The following PAFAH2 variants were observed in gnomAD, a reference collection of about 807,000 sequenced individuals.
The protein encoded by PAFAH2 is platelet activating factor acetylhydrolase 2.
In PAFAH2, 42 loss-of-function variants were observed where a neutral mutation model predicts 49.0. The observed-to-expected ratio is 0.86, with a 90% CI of 0.67 to 1.11. PAFAH2 has a LOEUF of 1.11. Ranked by LOEUF, PAFAH2 falls within the 50% of genes least tolerant of loss-of-function variation. PAFAH2 has a pLI of 0.00. For missense variants in PAFAH2, 503 were observed against 501.8 expected, an observed-to-expected ratio of 1.00 and a Z score of -0.02; for synonymous variants, 184 against 181.3, an observed-to-expected ratio of 1.01 and a Z score of -0.12.
intron 1 of PAFAH2, 47 bp from the exon 2 acceptor site, chr1:25,990,910 G>A (rs1411814754): frequency 4.2e-6 from 4 of 951,872 alleles, no homozygotes; most frequent in East Asian, 2.6e-5. Context: ...GTTTCCTCTC[G>A]GCTTCCTGTT....
At chr1:25,982,594 C>G in intron 6 of PAFAH2, 117 bp from the exon 7 acceptor site, 1 of 733,818 alleles carries the variant, frequency 1.4e-6, no homozygotes, top group Non-Finnish European at 2.3e-6. Flanking sequence ...CACGCCTCAG[C>G]AAGCACCTTG....
chr1:25,973,759 ATGCAGT>A (rs2049544397), intron 9 of PAFAH2, among the ~76,000 whole-genome samples: 1 of 152,208 alleles, frequency 6.6e-6, no homozygotes, highest in East Asian at 1.9e-4. Flanking sequence ...GGTCCATGGT[ATGCAGT>A]CACTTGTCAT....
In PAFAH2 at chr1:25,972,318, G is replaced by A. The variant is rs963587814; in HGVS notation, c.1084+240C>T. On this transcript the variant is annotated intron_variant, in intron 10 of 10. Transcript: ENST00000374282. ...TCACTATGTTGCTCAGACTGGTCTC[G>A]AACTCCTGGCCCCAAGCCATCCTCC... is the stretch of plus-strand genomic sequence containing the variant. 5.3e-5 allele frequency among the ~76,000 whole-genome samples: 8 copies of A among 150,578 alleles called. No homozygotes were observed. In the East Asian group the frequency reaches 9.8e-4, roughly 18 times the overall value.
intron 7 of PAFAH2, among the ~76,000 whole-genome samples, chr1:25,979,509 T>C (rs1557521714): frequency 6.6e-6 from 1 of 151,962 alleles, no homozygotes; most frequent in South Asian, 2.1e-4. Context: ...TTTTTTGAGA[T>C]GGAGTTTTGC....
Position 25,981,786 on chromosome 1 carries a change from C to T in PAFAH2, c.666+578G>A, listed in dbSNP as rs1288599748. 3.9e-5 allele frequency among the ~76,000 whole-genome samples: 6 copies of T among 152,120 alleles called. No individual in the cohort carries two copies. The East Asian group carries it at 9.7e-4, about 25-fold the overall frequency. ...CTGTAATCCCAGCACTTAGGGAGGC[C>T]GAGGCGGGCGGATCACTTGAGATCA... On this transcript the variant is annotated intron_variant, in intron 7 of 10. Transcript: ENST00000374282.
intron 8 of PAFAH2, among the ~76,000 whole-genome samples, chr1:25,976,333 T>TG (rs2049588850): frequency 6.6e-6 from 1 of 151,958 alleles, no homozygotes; most frequent in Admixed American, 6.6e-5. Context: ...TTTGTAGAGA[T>TG]GGGGTCTTGT....
At chr1:25,985,707 A>C (rs2049772300) in intron 4 of PAFAH2, among the ~76,000 whole-genome samples, 1 of 152,222 alleles carries the variant, frequency 6.6e-6, no homozygotes, top group Admixed American at 6.5e-5. Flanking sequence ...CACAGCAGGT[A>C]CTCAATTTAT....
At chr1:25,962,425 T>C (rs2049352791) in intron 10 of PAFAH2, among the ~76,000 whole-genome samples, 1 of 152,228 alleles carries the variant, frequency 6.6e-6, no homozygotes, top group African/African-American at 2.4e-5. Flanking sequence ...TTAATACTAA[T>C]CTTATTATGT....
At chr1:25,994,000 A>G (rs1286146377) in intron 1 of PAFAH2, among the ~76,000 whole-genome samples, 1 of 152,232 alleles carries the variant, frequency 6.6e-6, no homozygotes, top group East Asian at 1.9e-4. Context: ...AGGTGAGAAG[A>G]GAAAGTTGTG....
intron 10 of PAFAH2, among the ~76,000 whole-genome samples, chr1:25,966,460 G>A (rs2049424541): frequency 6.6e-6 from 1 of 152,164 alleles, no homozygotes; most frequent in African/African-American, 2.4e-5. Flanking sequence ...ACGAAATCAC[G>A]TTTTGCAGAA....
In PAFAH2 at chr1:25,960,142, G is replaced by A. The variant is rs1243297371; in HGVS notation, c.*1847C>T. The A allele has an allele frequency of 6.6e-6, 1 of 152,138 alleles. No homozygotes were observed. The highest frequency in any genetic ancestry group is 1.5e-5 in the Non-Finnish European group (1 of 68,022). The allele number at this position is 152,138 out of a possible 1,614,324, so 9.4% of individuals were successfully genotyped here. A position where few individuals can be genotyped will look rare whatever the true frequency, so the allele number is the denominator to read the frequency against. On this transcript the variant is annotated 3_prime_UTR_variant, in exon 11 of 11. Transcript: ENST00000374282. ...CAGGCTCTGTAACTTTAGAGCCCAGGGCTTTAATGATACCCTTCTTATGCT... is the reference window on the plus strand; with the variant it reads ...CAGGCTCTGTAACTTTAGAGCCCAGAGCTTTAATGATACCCTTCTTATGCT...
intron 1 of PAFAH2, among the ~76,000 whole-genome samples, chr1:25,991,573 C>T (rs190478019): frequency 9.4e-5 from 14 of 148,160 alleles, no homozygotes; most frequent in Non-Finnish European, 1.2e-4. Flanking sequence ...TGAGCCACCG[C>T]GCCTGGCCTG....
At chr1:25,988,123 A>C in intron 4 of PAFAH2, 108 bp downstream of exon 4, 1 of 702,058 alleles carries the variant, frequency 1.4e-6, no homozygotes, top group Non-Finnish European at 2.4e-6. Context: ...GAGATAAGAC[A>C]GCTAGCAGAT....
In PAFAH2 at chr1:25,984,024, A is replaced by G. The variant is rs1297489560; in HGVS notation, c.474T>C (p.Asn158=). ...GGATCCATTCCTCCTGCAGCGATTCATTGGTGGGCTGGTTCTCTTCTGGGG... is the reference window on the plus strand; with the variant it reads ...GGATCCATTCCTCCTGCAGCGATTCGTTGGTGGGCTGGTTCTCTTCTGGGG... ...KQAPEENQPT[N]ESLQEEWIPF... The change falls in exon 6 of 11, where the codon AAT becomes AAC. Residue 158 remains asparagine (N), a synonymous_variant. Coordinates refer to ENST00000374282, the MANE Select transcript of PAFAH2 (RefSeq NM_000437.4). The G allele has an allele frequency of 1.9e-6, 3 of 1,613,970 alleles. No homozygotes were observed. The Admixed American group carries it at 5.0e-5, about 27-fold the overall frequency.
At chr1:25,976,643 G>T in intron 8 of PAFAH2, 39 bp downstream of exon 8, 3 of 1,377,622 alleles carry the variant, frequency 2.2e-6, no homozygotes, top group Non-Finnish European at 2.1e-6. Context: ...AATAAACGGT[G>T]TATGGAGCTA....
chr1:25,981,803 TTGAGA>T (rs1192707557), intron 7 of PAFAH2, among the ~76,000 whole-genome samples: 3 of 152,048 alleles, frequency 2.0e-5, no homozygotes, highest in Non-Finnish European at 4.4e-5. Context: ...GGCGGATCAC[TTGAGA>T]TCAGGAGTTC....
At chr1:25,975,737 GA>G (rs2049578759) in intron 8 of PAFAH2, among the ~76,000 whole-genome samples, 1 of 152,132 alleles carries the variant, frequency 6.6e-6, no homozygotes. Context: ...CATTGACTCT[GA>G]AACAGAATCT....
At position 25,962,048 on chromosome 1, in the gene PAFAH2, T is replaced by C. The variant is rs1350969435; in HGVS notation, c.1120A>G (p.Ile374Val). The C allele has an allele frequency of 6.2e-7, 1 of 1,613,726 alleles. No individual in the cohort carries two copies. The highest frequency in any genetic ancestry group is 1.3e-5 in the African/African-American group (1 of 74,836). ...KEDYNQWNNL[I>V]EGIGPSLTPG... ...GTGAGCGACGGTCCAATGCCTTCAATAAGGTTGTTCCATTGATTATAGTCT... is the reference window on the plus strand; with the variant it reads ...GTGAGCGACGGTCCAATGCCTTCAACAAGGTTGTTCCATTGATTATAGTCT... Residue 374 changes from isoleucine (I) to valine (V), a missense_variant, in exon 11 of 11, where the codon ATT becomes GTT. By Grantham distance (29) the Ile-to-Val change is conservative. Coordinates refer to ENST00000374282, the MANE Select transcript of PAFAH2 (RefSeq NM_000437.4).
chr1:25,964,819 G>T (rs2049396464), intron 10 of PAFAH2, among the ~76,000 whole-genome samples: 1 of 152,100 alleles, frequency 6.6e-6, no homozygotes, highest in Admixed American at 6.5e-5. Context: ...AAGAATCAAT[G>T]TTGTTAAAAA....
Sources: allele counts gnomAD v4.1 joint callset (sites outside exome capture counted in the v4.1 genomes callset), GRCh38; gene constraint gnomAD v4.1.1; transcripts MANE v1.5; gene names NCBI Gene and HGNC (gene_info 2026-07-23, HGNC 2026-07-21).